Variants in MCM9 observed in about 807,000 individuals in gnomAD.
The protein encoded by MCM9 is minichromosome maintenance 9 homologous recombination repair factor.
In MCM9, 55 loss-of-function variants were observed where a neutral mutation model predicts 72.8. The ratio of observed to expected loss-of-function variants is 0.76; its 90% CI spans 0.61 to 0.95. The LOEUF (loss-of-function observed/expected upper bound fraction) is 0.95, where lower values mean the gene tolerates loss of function less well. Among genes scored for constraint, MCM9 ranks in the 40% least tolerant of loss-of-function variants. MCM9 has a pLI of 0.00. For synonymous variants in MCM9, 480 were observed against 503.4 expected (o/e 0.95, Z 0.62); for missense variants, 1,279 against 1,377.0 (o/e 0.93, Z 1.13).
chr6:118,843,936 G>A (rs1253229060), intron 9 of MCM9, among the ~76,000 whole-genome samples: 1 of 148,750 alleles, frequency 6.7e-6, no homozygotes, highest in Non-Finnish European at 1.5e-5. Context: ...ATGTGGCAAG[G>A]TACCAAATGT....
chr6:118,814,985 T>A lies in MCM9; in HGVS notation c.3271A>T (p.Thr1091Ser). 6.4e-7 allele frequency: 1 copy of A among 1,550,498 alleles called. No individual in the cohort carries two copies. The highest frequency in any genetic ancestry group is 1.2e-5 in the South Asian group (1 of 84,038). ...RGERGPSSPP[T>S]TTAPMRVSKR... ...CTGACACGCATTGGAGCTGTGGTTG[T>A]AGGAGGGGAGCTTGGGCCTCTCTCA... is the stretch of plus-strand genomic sequence containing the variant. Residue 1091 changes from threonine (T) to serine (S), a missense_variant, in exon 14 of 14, where the codon ACA becomes TCA. Transcript: ENST00000619706.
chr6:118,824,119 A>ACGG (rs1249798046), intron 13 of MCM9, among the ~76,000 whole-genome samples: 1 of 136,216 alleles, frequency 7.3e-6, no homozygotes, highest in Non-Finnish European at 1.5e-5. Flanking sequence ...TGGCACGATC[A>ACGG]CGGCTCACTG....
intron 9 of MCM9, among the ~76,000 whole-genome samples, chr6:118,849,136 G>T (rs1776070726): frequency 6.6e-6 from 1 of 151,668 alleles, no homozygotes; most frequent in Non-Finnish European, 1.5e-5. Flanking sequence ...TAAACATAAA[G>T]AAATGAGCAA....
At chr6:118,894,231 G>T in intron 8 of MCM9, 1 of 1,419,848 alleles carries the variant, frequency 7.0e-7, no homozygotes, top group Non-Finnish European at 9.2e-7. Context: ...AAATAGGAAA[G>T]CTGCAAAACA....
At chr6:118,876,904 A>G (rs1296163212) in intron 8 of MCM9, among the ~76,000 whole-genome samples, 2 of 152,244 alleles carry the variant, frequency 1.3e-5, no homozygotes, top group Non-Finnish European at 2.9e-5. Flanking sequence ...AAATATGTTC[A>G]ATATATCCCC....
rs1389735124 is a variant in MCM9, at chr6:118,814,639, T to C, written c.*185A>G. The C allele has an allele frequency of 1.9e-6, 1 of 523,782 alleles. No homozygotes were observed. The highest frequency in any genetic ancestry group is 3.2e-6 in the Non-Finnish European group (1 of 312,664). The allele number at this position is 523,782 out of a possible 1,614,324, so 32.4% of individuals were successfully genotyped here. A position where few individuals can be genotyped will look rare whatever the true frequency, so the allele number is the denominator to read the frequency against. On this transcript the variant is annotated 3_prime_UTR_variant, in exon 14 of 14. Transcript: ENST00000619706. ...CTGCTGGTATCACACTGACCTCAAC[T>C]GATTATACAACTTTTTAAGTCATGA...
chr6:118,861,050 G>A (rs1293480468), intron 8 of MCM9, among the ~76,000 whole-genome samples: 1 of 152,208 alleles, frequency 6.6e-6, no homozygotes, highest in African/African-American at 2.4e-5. Context: ...GGCAAGCCAG[G>A]CATGGGACGG....
intron 9 of MCM9, among the ~76,000 whole-genome samples, chr6:118,831,209 C>T (rs867092546): frequency 6.6e-6 from 1 of 151,758 alleles, no homozygotes; most frequent in African/African-American, 2.4e-5. Flanking sequence ...AAAAAATAGC[C>T]GGCACGGTGG....
At chr6:118,905,863 A>C (rs1780145097) in intron 8 of MCM9, 3 of 1,476,862 alleles carry the variant, frequency 2.0e-6, no homozygotes, top group African/African-American at 1.4e-5. Flanking sequence ...AACTACTTTT[A>C]CTATGCAATT....
chr6:118,867,964 C>T (rs1389952251), intron 8 of MCM9, among the ~76,000 whole-genome samples: 2 of 150,386 alleles, frequency 1.3e-5, no homozygotes, highest in Non-Finnish European at 3.0e-5. Context: ...GCAACCTCCA[C>T]CTCCTGGGTT....
Position 118,826,864 on chromosome 6 carries a change from G to T in MCM9, c.1733C>A (p.Ala578Asp). 3 of 1,548,610 alleles carry T rather than the reference G, an allele frequency of 1.9e-6. No individual in the cohort carries two copies. The highest frequency in any genetic ancestry group is 2.6e-6 in the Non-Finnish European group (3 of 1,146,362). ...LLESLIRLAEAHARLMFRDTV... is the reference protein window; with the variant it reads ...LLESLIRLAEDHARLMFRDTV... ...ATCACGAAACATCAGGCGAGCATGA[G>T]CTAAGAAAACAAAACACATTTGTTT... Residue 578 changes from alanine to aspartate, a missense_variant and splice_region_variant, in exon 12 of 14, where the codon GCT becomes GAT. Transcript: ENST00000619706.
intron 8 of MCM9, chr6:118,901,037 C>G (rs897503647): frequency 3.4e-6 from 2 of 582,700 alleles, no homozygotes; most frequent in East Asian, 2.8e-5. Flanking sequence ...TAGGCAGTCT[C>G]TGTGTCACAG....
chr6:118,925,617 C>T (rs1305733558), intron 3 of MCM9, among the ~76,000 whole-genome samples: 1 of 152,142 alleles, frequency 6.6e-6, no homozygotes, highest in Non-Finnish European at 1.5e-5. Flanking sequence ...AACAAGGTGG[C>T]CATTGCCAAC....
At chr6:118,894,646 A>C (rs1329017212) in intron 8 of MCM9, 1 of 832,824 alleles carries the variant, frequency 1.2e-6, no homozygotes, top group East Asian at 2.7e-5. Flanking sequence ...TGCTCTGCGG[A>C]GGGAAACTTG....
At chr6:118,894,637 G>C (rs36193145) in intron 8 of MCM9, 39 of 904,226 alleles carry the variant, frequency 4.3e-5, no homozygotes, top group Middle Eastern at 3.2e-4. Flanking sequence ...GCCGCGGGCT[G>C]CTCTGCGGAG....
At chr6:118,918,041 G>T in intron 5 of MCM9, 1 of 428,414 alleles carries the variant, frequency 2.3e-6, no homozygotes. Flanking sequence ...CTTTTCACTG[G>T]GAAAATAGTT....
At chr6:118,902,072 A>G (rs1445479294) in intron 8 of MCM9, among the ~76,000 whole-genome samples, 4 of 152,246 alleles carry the variant, frequency 2.6e-5, no homozygotes, top group Non-Finnish European at 5.9e-5. Context: ...AATAGCTAAG[A>G]AAAGCTCAAA....
In MCM9 at chr6:118,815,820, T is replaced by C. The variant is rs906657781; in HGVS notation, c.2436A>G (p.Ala812=). The change falls in exon 14 of 14, where the codon GCA becomes GCG. Residue 812 remains alanine (A), a synonymous_variant. Transcript: ENST00000619706. ...TTTTCTTGTTACTTTCCACATTGTC[T>C]GCCCTCCATGGAACACCTGTCTCTC... ...SPGETGVPWR[A]DNVESNKKKR... is the part of the protein sequence containing the mutation. The C allele has an allele frequency of 7.8e-6, 12 of 1,539,182 alleles. No homozygotes were observed. The highest frequency in any genetic ancestry group is 1.2e-5 in the South Asian group (1 of 84,060).
Position 118,815,607 on chromosome 6 carries a change from G to C in MCM9, c.2649C>G (p.Ser883Arg), listed in dbSNP as rs1338827024. 12 of 1,550,444 alleles carry C rather than the reference G, an allele frequency of 7.7e-6. No homozygotes were observed. Among genetic ancestry groups the C allele is most frequent in the Non-Finnish European group, 1.0e-5 (12 of 1,146,920 alleles). ...TGGGTGAGTCCAGCATTCTGTCTGG[G>C]CTATGTACAGGAGTGGACTGAGGAT... Reference protein sequence around the residue: ...PSHPQSTPVHSPDRMLDSPKR... With the variant: ...PSHPQSTPVHRPDRMLDSPKR... The change falls in exon 14 of 14, where the codon AGC (serine) becomes AGG (arginine). Residue 883 changes from serine to arginine, a missense_variant. Coordinates refer to ENST00000619706, the MANE Select transcript of MCM9 (RefSeq NM_017696.3).
Sources: allele counts gnomAD v4.1 joint callset (sites outside exome capture counted in the v4.1 genomes callset), GRCh38; gene constraint gnomAD v4.1.1; transcripts MANE v1.5; gene names NCBI Gene and HGNC (gene_info 2026-07-23, HGNC 2026-07-21).